GPHN: variants seen among roughly 807,000 people sequenced by gnomAD.
The protein encoded by GPHN is gephyrin.
Under a neutral mutation model 95.5 loss-of-function variants are expected in GPHN, and 17 were observed. That is an observed-to-expected ratio of 0.18 (90% CI 0.12 to 0.27). The LOEUF (loss-of-function observed/expected upper bound fraction) is 0.27, where lower values mean the gene tolerates loss of function less well. Among genes scored for constraint, GPHN ranks in the 10% least tolerant of loss-of-function variants. The pLI is 1.00. For synonymous variants in GPHN, 320 were observed against 322.5 expected (o/e 0.99, Z 0.08); for missense variants, 660 against 978.1 (o/e 0.67, Z 4.34).
chr14:67,629,206 C>G, the GPHN span, among the ~76,000 whole-genome samples: 6 of 152,040 alleles, frequency 3.9e-5, no homozygotes, highest in African/African-American at 1.4e-4. Context: ...TGTGGTGGTG[C>G]ATGCACATAG....
rs1003955116 is a variant in GPHN, at chr14:66,703,571, C to G, written c.143+22386C>G. Among the ~76,000 whole-genome samples, 4 of 106,566 alleles carry G rather than the reference C, an allele frequency of 3.8e-5. No homozygotes were observed. The East Asian group carries it at 1.0e-3, about 27-fold the overall frequency. The allele number at this position is 106,566 out of a possible 152,430, so 69.9% of individuals were successfully genotyped here. A position where few individuals can be genotyped will look rare whatever the true frequency, so the allele number is the denominator to read the frequency against. The stretch of plus-strand genomic sequence containing the variant: ...ACTTCATAAGCAAAGGAGATCCTTT[C>G]CAGAGAAGCAAATGCTGAGGGATTT... On this transcript the variant is annotated intron_variant, in intron 2 of 22. Coordinates refer to ENST00000478722, the MANE Select transcript of GPHN (RefSeq NM_020806.5).
intron 11 of GPHN, among the ~76,000 whole-genome samples, chr14:67,074,109 A>G (rs1567294986): frequency 6.6e-6 from 1 of 152,166 alleles, no homozygotes; most frequent in East Asian, 1.9e-4. Context: ...TTATTTTAGT[A>G]TCTCATAAAT....
At chr14:67,429,871 C>T in the GPHN span, among the ~76,000 whole-genome samples, 1 of 152,160 alleles carries the variant, frequency 6.6e-6, no homozygotes, top group Non-Finnish European at 1.5e-5. Flanking sequence ...CTTTCAACAG[C>T]GCTACAAGTA....
Position 66,744,768 on chromosome 14 carries a change from G to A in GPHN, c.144-31696G>A, listed in dbSNP as rs183107301. Among the ~76,000 whole-genome samples the A allele has an allele frequency of 2.6e-5, 4 of 152,242 alleles. No homozygotes were observed. In the East Asian group the frequency reaches 7.7e-4, roughly 29 times the overall value. On this transcript the variant is annotated intron_variant, in intron 2 of 22. Transcript: ENST00000478722. Reference sequence around the variant, plus strand: ...GGCTCTCTGGATTGGACTCTGTGTAGATTGATTCCATCTGTAAAAGGTGCC... The same window carrying A: ...GGCTCTCTGGATTGGACTCTGTGTAAATTGATTCCATCTGTAAAAGGTGCC...
chr14:67,273,944 T>C, the GPHN span, among the ~76,000 whole-genome samples: 3 of 152,252 alleles, frequency 2.0e-5, no homozygotes, highest in African/African-American at 4.8e-5. Flanking sequence ...CTGTTCATAT[T>C]CTTTGCCCAC....
chr14:67,662,836 G>A, the GPHN span, among the ~76,000 whole-genome samples: 1 of 147,838 alleles, frequency 6.8e-6, no homozygotes, highest in African/African-American at 2.5e-5. Flanking sequence ...CCAGGAGGTG[G>A]AAGTGGCAAT....
At chr14:67,616,261 G>GATA in the GPHN span, 1 of 180,484 alleles carries the variant, frequency 5.5e-6, no homozygotes, top group Non-Finnish European at 1.2e-5. Context: ...ATGTGTCATT[G>GATA]GATAGCCCTG....
the GPHN span, among the ~76,000 whole-genome samples, chr14:67,258,641 T>C: frequency 1.3e-5 from 2 of 152,142 alleles, no homozygotes; most frequent in Non-Finnish European, 1.5e-5. Context: ...AGGCCGGTCT[T>C]GAACTCCTGG....
chr14:67,338,578 G>GA, the GPHN span: 2 of 1,582,348 alleles, frequency 1.3e-6, no homozygotes, highest in Non-Finnish European at 1.7e-6. Context: ...GAATTAAAAT[G>GA]AAGCCAGTGT....
intron 19 of GPHN, among the ~76,000 whole-genome samples, chr14:67,163,183 G>A (rs1046217074): frequency 7.2e-5 from 11 of 151,988 alleles, no homozygotes; most frequent in Non-Finnish European, 1.2e-4. Flanking sequence ...GTGCATGCCT[G>A]TAGTCCTACC....
the GPHN span, among the ~76,000 whole-genome samples, chr14:67,259,086 G>T: frequency 2.7e-5 from 4 of 148,830 alleles, no homozygotes; most frequent in African/African-American, 9.9e-5. Context: ...CAAGTGATCC[G>T]CCTGCCTCGG....
chr14:66,666,029 C>G (rs1360252494), intron 1 of GPHN, among the ~76,000 whole-genome samples: 1 of 149,512 alleles, frequency 6.7e-6, no homozygotes, highest in Non-Finnish European at 1.5e-5. Context: ...CATGTTCTCA[C>G]TCATAGGTGG....
chr14:66,822,465 T>G (rs995619709), intron 3 of GPHN, among the ~76,000 whole-genome samples: 3 of 152,188 alleles, frequency 2.0e-5, no homozygotes, highest in Non-Finnish European at 2.9e-5. Context: ...CGCAGATAAT[T>G]CCATTGTGCA....
chr14:67,388,358 T>C, the GPHN span: 6 of 1,026,820 alleles, frequency 5.8e-6, no homozygotes, highest in Non-Finnish European at 9.3e-6. Flanking sequence ...AGGGAAGAGT[T>C]GCACTCCCCT....
chr14:67,190,717 A>G, the GPHN span, among the ~76,000 whole-genome samples: 1 of 152,222 alleles, frequency 6.6e-6, no homozygotes, highest in African/African-American at 2.4e-5. Flanking sequence ...TTTTCAAGAG[A>G]TAGAAGCCAC....
intron 18 of GPHN, among the ~76,000 whole-genome samples, chr14:67,154,531 C>T (rs141498230): frequency 0.012 from 1,833 of 152,138 alleles, 19 homozygotes; most frequent in Non-Finnish European, 0.018. Context: ...ACATAATAGG[C>T]ACTCAGAAAT....
the GPHN span, chr14:67,615,863 A>C: frequency 1.6e-6 from 1 of 621,330 alleles, no homozygotes; most frequent in Middle Eastern, 3.7e-4. Context: ...TTCGGCGAAG[A>C]AACTGGGAGG....
At chr14:67,397,421 A>G in the GPHN span, among the ~76,000 whole-genome samples, 4 of 152,198 alleles carry the variant, frequency 2.6e-5, no homozygotes, top group Admixed American at 6.5e-5. Context: ...CACCACAACC[A>G]TGTGAGACAC....
the GPHN span, among the ~76,000 whole-genome samples, chr14:67,534,499 C>G: frequency 6.6e-6 from 1 of 151,822 alleles, no homozygotes; most frequent in Admixed American, 6.6e-5. Flanking sequence ...ATGATCCTGT[C>G]TGTTAAAAAA....
Sources: gnomAD v4.1 joint callset for allele counts (sites outside exome capture counted in the v4.1 genomes callset) on GRCh38, gnomAD v4.1.1 for gene constraint, MANE v1.5 for transcripts, NCBI Gene and HGNC (gene_info 2026-07-23, HGNC 2026-07-21) for gene names.